Variants in ZNF804B observed in about 807,000 individuals in gnomAD.
The protein encoded by ZNF804B is zinc finger protein 804B.
Under a neutral mutation model 101.4 loss-of-function variants are expected in ZNF804B, and 80 were observed. The observed-to-expected ratio is 0.79, with a 90% CI of 0.66 to 0.95. The LOEUF is 0.95. ZNF804B is among the 40% of genes least tolerant of loss of function. The pLI, the probability that ZNF804B is intolerant of heterozygous loss-of-function variation, is 0.00. For synonymous variants in ZNF804B, 622 were observed against 558.8 expected (o/e 1.11, Z -1.59); for missense variants, 1,673 against 1,561.9 (o/e 1.07, Z -1.20).
At chr7:89,056,766 G>A (rs537827055) in intron 1 of ZNF804B, among the ~76,000 whole-genome samples, 4 of 152,052 alleles carry the variant, frequency 2.6e-5, no homozygotes, top group African/African-American at 7.2e-5. Context: ...AGATAGGAGT[G>A]GGGGAAACAC....
At chr7:89,041,420 T>C (rs1789015850) in intron 1 of ZNF804B, among the ~76,000 whole-genome samples, 1 of 152,084 alleles carries the variant, frequency 6.6e-6, no homozygotes, top group African/African-American at 2.4e-5. Context: ...GGTCTTAAGC[T>C]TGAGTGTGTA....
chr7:88,875,141 C>G (rs1791908589), intron 1 of ZNF804B, among the ~76,000 whole-genome samples: 1 of 142,380 alleles, frequency 7.0e-6, no homozygotes, highest in African/African-American at 2.8e-5. Context: ...ACCAGAATCT[C>G]TGGGACACAT....
At chr7:88,778,930 T>C (rs948548084) in intron 1 of ZNF804B, among the ~76,000 whole-genome samples, 3 of 152,354 alleles carry the variant, frequency 2.0e-5, no homozygotes, top group African/African-American at 7.2e-5. Flanking sequence ...TTCTGATCTT[T>C]CTGCTCATGG....
chr7:89,181,797 C>A (rs1788302552), intron 1 of ZNF804B, among the ~76,000 whole-genome samples: 1 of 152,142 alleles, frequency 6.6e-6, no homozygotes, highest in Non-Finnish European at 1.5e-5. Flanking sequence ...TTCTATTGAT[C>A]GGGTTGCTGG....
chr7:89,113,194 A>G (rs986164986), intron 1 of ZNF804B, among the ~76,000 whole-genome samples: 1 of 152,228 alleles, frequency 6.6e-6, no homozygotes, highest in Non-Finnish European at 1.5e-5. Flanking sequence ...TGGAAGCCAC[A>G]TGAGAAAATG....
At chr7:88,949,173 A>G (rs1269761264) in intron 1 of ZNF804B, among the ~76,000 whole-genome samples, 3 of 151,734 alleles carry the variant, frequency 2.0e-5, no homozygotes, top group Admixed American at 6.6e-5. Context: ...AAGTCATCCA[A>G]TCTTGTTCTT....
At chr7:89,322,151 C>G (rs574797863) in intron 2 of ZNF804B, among the ~76,000 whole-genome samples, 1 of 152,212 alleles carries the variant, frequency 6.6e-6, no homozygotes, top group Non-Finnish European at 1.5e-5. Context: ...ATTGATAAAA[C>G]AAGTAGGCAC....
At chr7:88,839,373 A>T (rs1486810571) in intron 1 of ZNF804B, among the ~76,000 whole-genome samples, 1 of 152,008 alleles carries the variant, frequency 6.6e-6, no homozygotes, top group Admixed American at 6.6e-5. Context: ...ATCTGACTAA[A>T]TATAACCTAC....
At chr7:89,034,681 T>C (rs1788897009) in intron 1 of ZNF804B, among the ~76,000 whole-genome samples, 2 of 152,202 alleles carry the variant, frequency 1.3e-5, no homozygotes, top group Non-Finnish European at 2.9e-5. Flanking sequence ...TCCAAGTCTT[T>C]GCTATTGTGA....
At chr7:89,066,954 T>G (rs1343800896) in intron 1 of ZNF804B, among the ~76,000 whole-genome samples, 1 of 151,904 alleles carries the variant, frequency 6.6e-6, no homozygotes, top group Non-Finnish European at 1.5e-5. Context: ...TATATAAGTA[T>G]ATATATATCT....
At chr7:89,322,615 A>C (rs1332098734) in intron 2 of ZNF804B, among the ~76,000 whole-genome samples, 1 of 152,130 alleles carries the variant, frequency 6.6e-6, no homozygotes, top group East Asian at 1.9e-4. Flanking sequence ...TCAAATATCA[A>C]AAGAATAAAA....
chr7:89,298,145 T>C (rs1475527090), intron 2 of ZNF804B, among the ~76,000 whole-genome samples: 112 of 133,894 alleles, frequency 8.4e-4, no homozygotes, highest in African/African-American at 3.0e-3. Context: ...ATATATATCA[T>C]ATATATAGTA....
At chr7:89,183,069 CA>C (rs1788321534) in intron 1 of ZNF804B, among the ~76,000 whole-genome samples, 1 of 152,004 alleles carries the variant, frequency 6.6e-6, no homozygotes, top group African/African-American at 2.4e-5. Flanking sequence ...TTAGTTTTGG[CA>C]AAAGTGACCG....
At chr7:88,893,374 A>G (rs886280146) in intron 1 of ZNF804B, among the ~76,000 whole-genome samples, 1 of 152,114 alleles carries the variant, frequency 6.6e-6, no homozygotes, top group Non-Finnish European at 1.5e-5. Flanking sequence ...AAATTTTATT[A>G]TTGAAATATG....
intron 1 of ZNF804B, among the ~76,000 whole-genome samples, chr7:88,962,345 T>C (rs1026834305): frequency 6.6e-6 from 1 of 151,192 alleles, no homozygotes; most frequent in South Asian, 2.1e-4. Flanking sequence ...GATGACGATA[T>C]GTAGTTGTAT....
chr7:88,845,581 G>GTTT lies in ZNF804B; in HGVS notation c.108+85506_108+85508dup, dbSNP rs576402162. Among the ~76,000 whole-genome samples, 234 of 147,892 alleles carry GTTT rather than the reference G, an allele frequency of 1.6e-3. 2 individuals are homozygous for GTTT. The highest frequency in any genetic ancestry group is 5.3e-3 in the African/African-American group (215 of 40,616). On this transcript the variant is annotated intron_variant, in intron 1 of 3. Transcript: ENST00000333190. ...TTCAAGCTGCTGACTTTTGCTCAGG[G>GTTT]TTTTTTTTTTTCTCTTGCTACTGTT... is the stretch of plus-strand genomic sequence containing the variant.
At chr7:88,937,742 A>G (rs1026462389) in intron 1 of ZNF804B, among the ~76,000 whole-genome samples, 2 of 152,042 alleles carry the variant, frequency 1.3e-5, no homozygotes, top group South Asian at 2.1e-4. Flanking sequence ...AGAAAAATCA[A>G]TATGTGTGCA....
chr7:88,838,086 A>G (rs1256772522), intron 1 of ZNF804B, among the ~76,000 whole-genome samples: 1 of 151,876 alleles, frequency 6.6e-6, no homozygotes, highest in Non-Finnish European at 1.5e-5. Context: ...TAAGGGATTC[A>G]CAGACAAAAA....
chr7:89,224,759 T>TGTGTGTGTGTGTGTGTATGA (rs1789060388), intron 2 of ZNF804B, among the ~76,000 whole-genome samples: 2 of 40,888 alleles, frequency 4.9e-5, no homozygotes, highest in African/African-American at 1.2e-4. Context: ...TGTATGAGTG[T>TGTGTGTGTGTGTGTGTATGA]GTGTGTGTGT....
Sources: gnomAD v4.1 joint callset for allele counts (sites outside exome capture counted in the v4.1 genomes callset) on GRCh38, gnomAD v4.1.1 for gene constraint, MANE v1.5 for transcripts, NCBI Gene and HGNC (gene_info 2026-07-23, HGNC 2026-07-21) for gene names.